SRBD1: variants seen among roughly 807,000 people sequenced by gnomAD.
SRBD1 encodes S1 RNA binding domain 1, also known as S1 RNA-binding domain-containing protein 1.
A neutral mutation model predicts 115.3 loss-of-function variants in SRBD1; 88 were observed. The ratio of observed to expected loss-of-function variants is 0.76; its 90% CI spans 0.64 to 0.91. The LOEUF (loss-of-function observed/expected upper bound fraction) is 0.91, where lower values mean the gene tolerates loss of function less well. SRBD1 is among the 40% of genes least tolerant of loss of function. The pLI, the probability that SRBD1 is intolerant of heterozygous loss-of-function variation, is 0.00. For synonymous variants in SRBD1, 509 were observed against 407.7 expected (o/e 1.25, Z -2.99); for missense variants, 1,385 against 1,177.4 (o/e 1.18, Z -2.58).
chr2:45,389,693 C>T (rs542753466), intron 20 of SRBD1, 94 bp from the exon 21 acceptor site: 638 of 1,233,126 alleles, frequency 5.2e-4, no homozygotes, highest in Non-Finnish European at 6.6e-4. Context: ...ACTATGTGCC[C>T]AGACCAATAT....
At chr2:45,492,378 T>C (rs1670323456) in intron 14 of SRBD1, among the ~76,000 whole-genome samples, 1 of 152,220 alleles carries the variant, frequency 6.6e-6, no homozygotes, top group African/African-American at 2.4e-5. Context: ...TATTATATTT[T>C]GCCAAATTGA....
chr2:45,547,595 C>G lies in SRBD1; in HGVS notation c.1693G>C (p.Asp565His). 1.2e-6 allele frequency: 2 copies of G among 1,613,420 alleles called. No homozygotes were observed. The highest frequency in any genetic ancestry group is 1.7e-6 in the Non-Finnish European group (2 of 1,179,592). The change falls in exon 13 of 21, where the codon GAT becomes CAT. Residue 565 changes from aspartate to histidine, a missense_variant. By Grantham distance (81) the Asp-to-His change is moderately conservative. Coordinates refer to ENST00000263736, the MANE Select transcript of SRBD1 (RefSeq NM_018079.5). ...ISPTSQILHT[D>H]VVYLHCGQGF... ...TGTCCACAATGCAAGTAAACCACAT[C>G]AGTATGAAGTATCTGACCTTTAAAA...
chr2:45,422,896 T>C (rs1335571944), intron 16 of SRBD1, among the ~76,000 whole-genome samples: 1 of 152,158 alleles, frequency 6.6e-6, no homozygotes, highest in Admixed American at 6.6e-5. Context: ...AATCACTCTA[T>C]ACTCAGAAGA....
chr2:45,500,264 A>C (rs1670587404), intron 14 of SRBD1, among the ~76,000 whole-genome samples: 1 of 145,386 alleles, frequency 6.9e-6, no homozygotes. Context: ...GGTTAAATTT[A>C]TTCTGTGCAT....
intron 4 of SRBD1, among the ~76,000 whole-genome samples, chr2:45,589,933 G>C (rs1407416617): frequency 1.3e-5 from 2 of 152,170 alleles, no homozygotes; most frequent in African/African-American, 4.8e-5. Flanking sequence ...TTCATACTCT[G>C]ACAGAAGTGT....
At chr2:45,582,811 A>C (rs924927152) in intron 5 of SRBD1, among the ~76,000 whole-genome samples, 2 of 152,126 alleles carry the variant, frequency 1.3e-5, no homozygotes, top group African/African-American at 2.4e-5. Flanking sequence ...ATACTTAAAA[A>C]CCAAGGTATA....
At chr2:45,533,062 G>A (rs951387560) in intron 14 of SRBD1, among the ~76,000 whole-genome samples, 1 of 151,974 alleles carries the variant, frequency 6.6e-6, no homozygotes, top group African/African-American at 2.4e-5. Context: ...TTTTTAAAAC[G>A]TGTTGGCCAA....
chr2:45,490,966 TTAAA>T (rs147107389), intron 14 of SRBD1, among the ~76,000 whole-genome samples: 6,204 of 152,242 alleles, frequency 0.041, 207 homozygotes, highest in East Asian at 0.12. Flanking sequence ...ATCAGAAATC[TTAAA>T]TAACCTAAAT....
At chr2:45,512,260 T>G (rs1013114858) in intron 14 of SRBD1, among the ~76,000 whole-genome samples, 1 of 152,184 alleles carries the variant, frequency 6.6e-6, no homozygotes, top group African/African-American at 2.4e-5. Flanking sequence ...TTTCTCCAAG[T>G]GTTTTACCTA....
intron 10 of SRBD1, among the ~76,000 whole-genome samples, chr2:45,559,472 T>C (rs911843776): frequency 6.6e-6 from 1 of 152,166 alleles, no homozygotes; most frequent in Non-Finnish European, 1.5e-5. Flanking sequence ...TCCTTCATAA[T>C]CTCAACATAC....
In SRBD1 at chr2:45,574,632, C is replaced by G; in HGVS notation, c.1164G>C (p.Arg388=). ...AKDKDTLDFI[R]NLCQKRHVCI... is the part of the protein sequence containing the mutation. ...TCCATAAAAGAGATACTCACAAGTT[C>G]CGAATGAAGTCAAGCGTGTCTTTGT... Residue 388 remains arginine, a synonymous_variant, in exon 8 of 21, where the codon CGG becomes CGC. Transcript: ENST00000263736. 2 of 1,612,714 alleles carry G rather than the reference C, an allele frequency of 1.2e-6. No individual in the cohort carries two copies. Among genetic ancestry groups the G allele is most frequent in the African/African-American group, 1.3e-5 (1 of 74,956 alleles).
intron 4 of SRBD1, among the ~76,000 whole-genome samples, chr2:45,597,088 C>A (rs951335966): frequency 6.6e-6 from 1 of 151,906 alleles, no homozygotes. Flanking sequence ...GAGATGGATA[C>A]CTGACCCAAA....
At chr2:45,469,220 T>C (rs1334479604) in intron 16 of SRBD1, among the ~76,000 whole-genome samples, 1 of 152,190 alleles carries the variant, frequency 6.6e-6, no homozygotes, top group Non-Finnish European at 1.5e-5. Flanking sequence ...AATTTACTAA[T>C]CTTTTCTTTC....
At chr2:45,435,447 A>C (rs1042373422) in intron 16 of SRBD1, among the ~76,000 whole-genome samples, 2 of 152,098 alleles carry the variant, frequency 1.3e-5, no homozygotes, top group East Asian at 1.9e-4. Flanking sequence ...AGAGAGAATG[A>C]AGCTCTGAAG....
At chr2:45,579,259 T>C (rs1276607817) in intron 7 of SRBD1, among the ~76,000 whole-genome samples, 1 of 152,214 alleles carries the variant, frequency 6.6e-6, no homozygotes, top group Non-Finnish European at 1.5e-5. Flanking sequence ...AACAGGAAGA[T>C]ACACTTGGAG....
chr2:45,457,862 T>A (rs908160871), intron 16 of SRBD1, among the ~76,000 whole-genome samples: 1 of 151,996 alleles, frequency 6.6e-6, no homozygotes, highest in African/African-American at 2.4e-5. Context: ...AAACTTCAGA[T>A]GAAAAACAGT....
intron 16 of SRBD1, among the ~76,000 whole-genome samples, chr2:45,465,900 A>T (rs576379405): frequency 1.3e-5 from 2 of 152,318 alleles, no homozygotes; most frequent in African/African-American, 4.8e-5. Flanking sequence ...ACTTCAACAA[A>T]AATTTGGAGA....
At chr2:45,480,294 T>C (rs72616990) in intron 15 of SRBD1, among the ~76,000 whole-genome samples, 6,509 of 152,288 alleles carry the variant, frequency 0.043, 250 homozygotes, top group East Asian at 0.15. Context: ...TAGATGGTGA[T>C]TTCTCTGAGG....
chr2:45,581,982 T>G (rs920978512), intron 5 of SRBD1, among the ~76,000 whole-genome samples, 172 bp from the exon 6 acceptor site: 7 of 152,264 alleles, frequency 4.6e-5, no homozygotes, highest in African/African-American at 1.7e-4. Context: ...TGTGATTTCC[T>G]ACAAATACAA....
Sources: gnomAD v4.1 joint callset for allele counts (sites outside exome capture counted in the v4.1 genomes callset) on GRCh38, gnomAD v4.1.1 for gene constraint, MANE v1.5 for transcripts, NCBI Gene and HGNC (gene_info 2026-07-23, HGNC 2026-07-21) for gene names.